Variants in GSTCD observed in about 807,000 individuals in gnomAD.
GSTCD encodes glutathione S-transferase C-terminal domain containing, also known as glutathione S-transferase C-terminal domain-containing protein.
Under a neutral mutation model 68.3 loss-of-function variants are expected in GSTCD, and 44 were observed. The ratio of observed to expected loss-of-function variants is 0.64; its 90% CI spans 0.51 to 0.83. The LOEUF (loss-of-function observed/expected upper bound fraction) is 0.83. Among genes scored for constraint, GSTCD ranks in the 40% least tolerant of loss-of-function variants. The pLI is 0.00. For missense variants in GSTCD, 739 were observed against 735.9 expected, an observed-to-expected ratio of 1.00 and a Z score of -0.05; for synonymous variants, 273 against 255.2, an observed-to-expected ratio of 1.07 and a Z score of -0.67.
At chr4:105,822,346 A>G (rs190167194) in intron 5 of GSTCD, among the ~76,000 whole-genome samples, 2 of 152,090 alleles carry the variant, frequency 1.3e-5, no homozygotes, top group Non-Finnish European at 2.9e-5. Flanking sequence ...CAGAAAATCC[A>G]ATTTCTCCCT....
At chr4:105,806,994 C>T (rs1004425395) in intron 5 of GSTCD, among the ~76,000 whole-genome samples, 1 of 152,012 alleles carries the variant, frequency 6.6e-6, no homozygotes, top group Non-Finnish European at 1.5e-5. Context: ...AGCCCTACAC[C>T]GACCACGCCA....
At chr4:105,748,109 G>A (rs553035824) in intron 5 of GSTCD, among the ~76,000 whole-genome samples, 5 of 151,972 alleles carry the variant, frequency 3.3e-5, no homozygotes, top group African/African-American at 7.3e-5. Context: ...ACAAAAATTA[G>A]CTGTGCGTGG....
At chr4:105,789,252 A>C (rs924594965) in intron 5 of GSTCD, among the ~76,000 whole-genome samples, 4 of 152,248 alleles carry the variant, frequency 2.6e-5, no homozygotes, top group Admixed American at 1.3e-4. Context: ...CTGATTATCT[A>C]TTGCTGCATA....
chr4:105,833,212 C>T (rs982031577), intron 8 of GSTCD, among the ~76,000 whole-genome samples: 12 of 152,190 alleles, frequency 7.9e-5, no homozygotes, highest in African/African-American at 2.9e-4. Flanking sequence ...TGCCTGTAAT[C>T]CCAGCACTTT....
In GSTCD at chr4:105,726,808, G is replaced by A. The variant is rs760002177; in HGVS notation, c.1124G>A (p.Arg375Lys). Residue 375 changes from arginine to lysine, a missense_variant, in exon 4 of 12, where the codon AGA becomes AAA. By Grantham distance (26) the Arg-to-Lys change is conservative. Coordinates refer to ENST00000515279, the MANE Select transcript of GSTCD (RefSeq NM_001370181.1). ...GATCCTTTATTTATAGGAGGACCAA[G>A]ACCAACCATGGCCAAGTTAATGGTA... is the stretch of plus-strand genomic sequence containing the variant. Reference protein sequence around the residue: ...QSDPLFIGGPRPTMAKLMEKG... With the variant: ...QSDPLFIGGPKPTMAKLMEKG... 3.7e-6 allele frequency: 6 copies of A among 1,611,050 alleles called. No individual in the cohort carries two copies. In the East Asian group the frequency reaches 1.1e-4, roughly 30 times the overall value.
intron 8 of GSTCD, among the ~76,000 whole-genome samples, chr4:105,826,382 T>G (rs949686505): frequency 2.0e-5 from 3 of 152,104 alleles, no homozygotes; most frequent in African/African-American, 7.2e-5. Context: ...TTTATTATTT[T>G]TTGTAGACTT....
intron 1 of GSTCD, among the ~76,000 whole-genome samples, chr4:105,714,476 T>G (rs923506785): frequency 4.0e-5 from 6 of 151,876 alleles, no homozygotes; most frequent in Non-Finnish European, 5.9e-5. Context: ...TTTTTTTTTT[T>G]GCCTGTGATA....
At chr4:105,802,294 T>C (rs1396967239) in intron 5 of GSTCD, among the ~76,000 whole-genome samples, 3 of 152,102 alleles carry the variant, frequency 2.0e-5, no homozygotes, top group African/African-American at 7.2e-5. Flanking sequence ...TCTTCAAATG[T>C]TGCTCCATTA....
At chr4:105,776,366 T>G (rs1397196713) in intron 5 of GSTCD, among the ~76,000 whole-genome samples, 2 of 152,094 alleles carry the variant, frequency 1.3e-5, no homozygotes, top group Non-Finnish European at 2.9e-5. Flanking sequence ...TCGCTGGCAT[T>G]CCAGGTGCCA....
At chr4:105,747,855 T>G (rs558648882) in intron 5 of GSTCD, among the ~76,000 whole-genome samples, 13 of 149,322 alleles carry the variant, frequency 8.7e-5, no homozygotes, top group Non-Finnish European at 1.6e-4. Context: ...TTTCTTAACT[T>G]TTAAAAAATT....
At chr4:105,734,176 C>G (rs2149215783) in intron 5 of GSTCD, among the ~76,000 whole-genome samples, 1 of 152,222 alleles carries the variant, frequency 6.6e-6, no homozygotes, top group East Asian at 1.9e-4. Context: ...TGGAGTTGCT[C>G]TTCTCGAGGA....
chr4:105,729,306 C>T, intron 4 of GSTCD, 100 bp from the exon 5 acceptor site: 4 of 530,970 alleles, frequency 7.5e-6, no homozygotes, highest in East Asian at 3.1e-5. Context: ...ACTATTTATC[C>T]TCCTCCTTAC....
intron 5 of GSTCD, among the ~76,000 whole-genome samples, chr4:105,753,833 T>C (rs987154699): frequency 2.0e-5 from 3 of 152,126 alleles, no homozygotes; most frequent in Non-Finnish European, 4.4e-5. Context: ...TTCCATTTTG[T>C]ACATCTGCAA....
intron 5 of GSTCD, among the ~76,000 whole-genome samples, chr4:105,775,501 T>G (rs1735020932): frequency 6.6e-6 from 1 of 152,212 alleles, no homozygotes; most frequent in African/African-American, 2.4e-5. Flanking sequence ...CCTTTGGTCT[T>G]CATGTTGGTG....
chr4:105,769,300 T>C (rs1191593734), intron 5 of GSTCD, among the ~76,000 whole-genome samples: 1 of 150,958 alleles, frequency 6.6e-6, no homozygotes, highest in Non-Finnish European at 1.5e-5. Flanking sequence ...GCCAAGAGGA[T>C]AAAGCCATCA....
At chr4:105,833,536 G>T (rs1723985851) in intron 8 of GSTCD, among the ~76,000 whole-genome samples, 1 of 151,924 alleles carries the variant, frequency 6.6e-6, no homozygotes, top group Non-Finnish European at 1.5e-5. Context: ...CTACCCTGAA[G>T]TTGGTGAGGG....
intron 5 of GSTCD, among the ~76,000 whole-genome samples, chr4:105,732,380 G>A (rs1733279660): frequency 6.6e-6 from 1 of 152,142 alleles, no homozygotes; most frequent in Admixed American, 6.5e-5. Flanking sequence ...CCTGTTATTG[G>A]TCTATTCAGG....
intron 5 of GSTCD, among the ~76,000 whole-genome samples, chr4:105,819,740 A>G (rs538165897): frequency 9.9e-5 from 15 of 151,740 alleles, no homozygotes; most frequent in South Asian, 8.3e-4. Context: ...TGTCTATTCA[A>G]TTGTCTTATA....
At chr4:105,831,246 G>A (rs905686679) in intron 8 of GSTCD, among the ~76,000 whole-genome samples, 4 of 152,140 alleles carry the variant, frequency 2.6e-5, no homozygotes, top group Non-Finnish European at 4.4e-5. Flanking sequence ...ATCCTTCTTC[G>A]AAAAGCAACA....
Sources: gnomAD v4.1 joint callset for allele counts (sites outside exome capture counted in the v4.1 genomes callset) on GRCh38, gnomAD v4.1.1 for gene constraint, MANE v1.5 for transcripts, NCBI Gene and HGNC (gene_info 2026-07-23, HGNC 2026-07-21) for gene names.